The following SLCO4C1 variants were observed in gnomAD, a reference collection of about 807,000 sequenced individuals.
SLCO4C1 encodes organic anion transporter M1.
SLCO4C1 carries 58 observed loss-of-function variants against 72.1 expected under a neutral mutation model. The ratio of observed to expected loss-of-function variants is 0.80; its 90% CI spans 0.65 to 1.00. The LOEUF (loss-of-function observed/expected upper bound fraction) is 1.00. SLCO4C1 is among the 50% of genes least tolerant of loss of function. SLCO4C1 has a pLI of 0.00. For synonymous variants in SLCO4C1, 297 were observed against 312.5 expected, an observed-to-expected ratio of 0.95 and a Z score of 0.52; for missense variants, 898 against 857.9, an observed-to-expected ratio of 1.05 and a Z score of -0.58.
Position 102,258,143 on chromosome 5 carries a change from C to T in SLCO4C1, c.1129-56G>A, listed in dbSNP as rs985908348. On this transcript the variant is annotated intron_variant, in intron 6 of 12. Coordinates refer to ENST00000310954, the MANE Select transcript of SLCO4C1 (RefSeq NM_180991.5). ...ATAGCTATGATTGTATTGCAAAGTA[C>T]AGAATTAGAAGGTTAGCATGATGAA... 24 of 1,389,256 alleles carry T rather than the reference C, an allele frequency of 1.7e-5. No homozygotes were observed. The African/African-American group carries it at 2.7e-4, about 16-fold the overall frequency. The allele number at this position is 1,389,256 out of a possible 1,614,324, so 86.1% of individuals were successfully genotyped here. A position where few individuals can be genotyped will look rare whatever the true frequency, so the allele number is the denominator to read the frequency against.
intron 7 of SLCO4C1, 134 bp downstream of exon 7, chr5:102,257,808 CA>C: frequency 1.3e-6 from 1 of 775,988 alleles, no homozygotes; most frequent in Non-Finnish European, 2.0e-6. Context: ...TTGGTACAGA[CA>C]GGGTTTCACC....
At chr5:102,270,919 A>G in intron 2 of SLCO4C1, 113 bp from the exon 3 acceptor site, 1 of 856,116 alleles carries the variant, frequency 1.2e-6, no homozygotes, top group Non-Finnish European at 1.7e-6. Context: ...TCTTCCAATC[A>G]TTTTACTTTG....
intron 2 of SLCO4C1, among the ~76,000 whole-genome samples, chr5:102,288,376 C>T (rs1015928709): frequency 6.6e-6 from 1 of 152,166 alleles, no homozygotes; most frequent in African/African-American, 2.4e-5. Context: ...TCCTCCTTCA[C>T]AATATATCCA....
intron 8 of SLCO4C1, among the ~76,000 whole-genome samples, chr5:102,254,406 T>C (rs552185782): frequency 1.8e-4 from 28 of 152,324 alleles, no homozygotes; most frequent in Admixed American, 1.6e-3. Flanking sequence ...ATTTCAAACT[T>C]TTTCATTATC....
rs760750317 is a variant in SLCO4C1 at position 102,260,202 on chromosome 5, T to G, written c.1128+11A>C. The G allele has an allele frequency of 5.1e-6, 6 of 1,172,304 alleles. No homozygotes were observed. In the East Asian group the frequency reaches 8.9e-5, roughly 17 times the overall value. The allele number at this position is 1,172,304 out of a possible 1,614,324, so 72.6% of individuals were successfully genotyped here. ...AGACTGAGAGAGAGACAGAGAAGAA[T>G]TTTATTTTACCTTTAGAGCAGCTGG... On this transcript the variant is annotated intron_variant, in intron 6 of 12. Transcript: ENST00000310954.
chr5:102,245,183 T>C (rs992253432), intron 10 of SLCO4C1, among the ~76,000 whole-genome samples: 1 of 151,974 alleles, frequency 6.6e-6, no homozygotes, highest in African/African-American at 2.4e-5. Context: ...GTTTTCTTTT[T>C]ACTTGTTTGT....
Position 102,291,356 on chromosome 5 carries a change from C to T in SLCO4C1, c.606G>A (p.Gly202=), listed in dbSNP as rs772198685. 24 of 1,612,746 alleles carry T rather than the reference C, an allele frequency of 1.5e-5. No individual in the cohort carries two copies. The highest frequency in any genetic ancestry group is 1.9e-5 in the Non-Finnish European group (23 of 1,179,746). Residue 202 remains glycine, a synonymous_variant, in exon 2 of 13, where the codon GGG becomes GGA. Coordinates refer to ENST00000310954, the MANE Select transcript of SLCO4C1 (RefSeq NM_180991.5). ...ATAGAAACTTACCTTCAAAAAGAGACCCCAATTTATATTCTCCACTGAAAA... is the reference window on the plus strand; with the variant it reads ...ATAGAAACTTACCTTCAAAAAGAGATCCCAATTTATATTCTCCACTGAAAA... ...PQFFSGEYKL[G]SLFEDTCVTT... is the part of the protein sequence containing the mutation.
rs1748697921 is a variant in SLCO4C1, at chr5:102,249,562, A to G, written c.1620+76T>C. ...GCAGGAAGGCAAGAATAGGCATTGC[A>G]TAACCCCATTAGAGAAGTCAAGATA... On this transcript the variant is annotated intron_variant, in intron 9 of 12. Coordinates refer to ENST00000310954, the MANE Select transcript of SLCO4C1 (RefSeq NM_180991.5). The G allele has an allele frequency of 6.6e-6, 10 of 1,511,976 alleles. No individual in the cohort carries two copies. In the South Asian group the frequency reaches 1.0e-4, roughly 16 times the overall value. 93.7% of individuals were successfully genotyped at this position (1,511,976 alleles called of 1,614,324 possible).
chr5:102,235,487 C>T lies in SLCO4C1; in HGVS notation c.*1371G>A, dbSNP rs1748415862. 6.6e-6 allele frequency: 1 copy of T among 152,146 alleles called. No homozygotes were observed. The highest frequency in any genetic ancestry group is 2.4e-5 in the African/African-American group (1 of 41,416). The allele number at this position is 152,146 out of a possible 1,614,324, so 9.4% of individuals were successfully genotyped here. A position where few individuals can be genotyped will look rare whatever the true frequency, so the allele number is the denominator to read the frequency against. ...TCAGCAAAGTTGGCATAAATCTGAC[C>T]TGAATAAACAGGGTTATAACATTAT... On this transcript the variant is annotated 3_prime_UTR_variant, in exon 13 of 13. Coordinates refer to ENST00000310954, the MANE Select transcript of SLCO4C1 (RefSeq NM_180991.5).
At chr5:102,294,298 GGCCTCCCAAAGT>G (rs1169994210) in intron 1 of SLCO4C1, among the ~76,000 whole-genome samples, 1 of 151,564 alleles carries the variant, frequency 6.6e-6, no homozygotes, top group Non-Finnish European at 1.5e-5. Context: ...CGCCCGCCTC[GGCCTCCCAAAGT>G]GCTGGGATTA....
chr5:102,283,475 ATATAT>A (rs913104775), intron 2 of SLCO4C1, among the ~76,000 whole-genome samples: 22 of 152,144 alleles, frequency 1.4e-4, no homozygotes, highest in African/African-American at 5.1e-4. Context: ...AACAGAAAAA[ATATAT>A]TAAAACACAC....
chr5:102,290,044 T>C (rs1427377383), intron 2 of SLCO4C1, among the ~76,000 whole-genome samples: 1 of 152,174 alleles, frequency 6.6e-6, no homozygotes, highest in Non-Finnish European at 1.5e-5. Flanking sequence ...GGTATTTATA[T>C]AGAAAAGAAA....
chr5:102,250,995 C>T (rs988288945), intron 8 of SLCO4C1, among the ~76,000 whole-genome samples: 6 of 151,158 alleles, frequency 4.0e-5, no homozygotes, highest in Non-Finnish European at 7.4e-5. Flanking sequence ...CAAAAAAAAT[C>T]GTAAAAAATA....
At chr5:102,249,111 C>A (rs1748689084) in intron 9 of SLCO4C1, among the ~76,000 whole-genome samples, 1 of 152,034 alleles carries the variant, frequency 6.6e-6, no homozygotes, top group South Asian at 2.1e-4. Context: ...CTTCAAAGAT[C>A]TTAAATAGTT....
At chr5:102,255,258 C>T (rs1748813524) in intron 8 of SLCO4C1, among the ~76,000 whole-genome samples, 1 of 152,116 alleles carries the variant, frequency 6.6e-6, no homozygotes, top group Non-Finnish European at 1.5e-5. Flanking sequence ...CTCAGAATTA[C>T]CCCATCACAC....
chr5:102,247,058 C>G (rs1748647752), intron 10 of SLCO4C1, among the ~76,000 whole-genome samples, 194 bp downstream of exon 10: 1 of 152,130 alleles, frequency 6.6e-6, no homozygotes, highest in Non-Finnish European at 1.5e-5. Flanking sequence ...ACACTTTCAC[C>G]TGCATATCAT....
chr5:102,276,995 A>G (rs1036668130), intron 2 of SLCO4C1, among the ~76,000 whole-genome samples: 3 of 152,086 alleles, frequency 2.0e-5, no homozygotes, highest in African/African-American at 7.2e-5. Flanking sequence ...ACAGTACCCA[A>G]CGAACATAGT....
chr5:102,255,344 G>T (rs973168215), intron 8 of SLCO4C1, among the ~76,000 whole-genome samples: 2 of 152,074 alleles, frequency 1.3e-5, no homozygotes, highest in Non-Finnish European at 2.9e-5. Flanking sequence ...AATATTAAAT[G>T]GATTCACATG....
At chr5:102,256,101 G>C (rs371361583) in intron 8 of SLCO4C1, among the ~76,000 whole-genome samples, 3 of 152,142 alleles carry the variant, frequency 2.0e-5, no homozygotes, top group East Asian at 1.9e-4. Flanking sequence ...AGCTACTCCA[G>C]AGGCTGAGAC....
Sources: allele counts gnomAD v4.1 joint callset (sites outside exome capture counted in the v4.1 genomes callset), GRCh38; gene constraint gnomAD v4.1.1; transcripts MANE v1.5; gene names NCBI Gene and HGNC (gene_info 2026-07-23, HGNC 2026-07-21).